Variants in TSNARE1 observed in about 807,000 individuals in gnomAD.
TSNARE1 encodes the protein t-SNARE domain containing 1.
TSNARE1 carries 49 observed loss-of-function variants against 62.0 expected under a neutral mutation model. The observed-to-expected ratio is 0.79, with a 90% CI of 0.63 to 1.00. The LOEUF (loss-of-function observed/expected upper bound fraction) is 1.00. Ranked by LOEUF, TSNARE1 falls within the 50% of genes least tolerant of loss-of-function variation. TSNARE1 has a pLI of 0.00. For synonymous variants in TSNARE1, 328 were observed against 294.4 expected (o/e 1.11, Z -1.17); for missense variants, 755 against 700.1 (o/e 1.08, Z -0.88).
chr8:142,346,719 G>A (rs1310683599), intron 2 of TSNARE1, among the ~76,000 whole-genome samples: 2 of 152,322 alleles, frequency 1.3e-5, no homozygotes, highest in South Asian at 2.1e-4. Context: ...AGCCACATCC[G>A]CGGCCTCCAG....
intron 10 of TSNARE1, among the ~76,000 whole-genome samples, chr8:142,289,817 A>G (rs914023156): frequency 2.0e-5 from 3 of 152,210 alleles, no homozygotes; most frequent in African/African-American, 4.8e-5. Flanking sequence ...GAACAAACAG[A>G]GGACTAAAGA....
intron 1 of TSNARE1, among the ~76,000 whole-genome samples, chr8:142,366,426 C>T (rs1025096546): frequency 2.6e-5 from 4 of 152,104 alleles, no homozygotes; most frequent in African/African-American, 7.2e-5. Context: ...AAATAAAACA[C>T]TAATAAATAA....
At chr8:142,376,545 G>A (rs1037584607) in intron 1 of TSNARE1, among the ~76,000 whole-genome samples, 1 of 152,110 alleles carries the variant, frequency 6.6e-6, no homozygotes, top group Non-Finnish European at 1.5e-5. Flanking sequence ...CCAGAAGAGG[G>A]CCCCCCAGAA....
Position 142,296,584 on chromosome 8 carries a change from G to C in TSNARE1, c.1290+3902C>G, listed in dbSNP as rs376674511. 5.9e-4 allele frequency among the ~76,000 whole-genome samples: 90 copies of C among 152,134 alleles called. No homozygotes were observed. The South Asian group carries it at 0.018, about 31-fold the overall frequency. On this transcript the variant is annotated intron_variant, in intron 10 of 13. Transcript: ENST00000524325. ...TACTCCAGGCTCTGGGGATGGGGCT[G>C]ACCCCAGGCAAGCAAGGGCCGCTCA...
chr8:142,327,868 C>T (rs2131936799), intron 6 of TSNARE1, among the ~76,000 whole-genome samples: 1 of 152,308 alleles, frequency 6.6e-6, no homozygotes, highest in East Asian at 1.9e-4. Flanking sequence ...GCCCAGCTCA[C>T]CCAGACCCCA....
rs56675860 is a variant in TSNARE1 at position 142,258,477 on chromosome 8, C to CTT, written c.1446+16302_1446+16303dup. Among the ~76,000 whole-genome samples the CTT allele has an allele frequency of 1.3e-3, 138 of 107,216 alleles. 1 individual carries two copies. Among genetic ancestry groups the CTT allele is most frequent in the Non-Finnish European group, 1.6e-3 (92 of 55,894 alleles). 70.3% of individuals were successfully genotyped at this position (107,216 alleles called of 152,430 possible). On this transcript the variant is annotated intron_variant, in intron 12 of 13. Transcript: ENST00000524325. ...GACCCAGTCAGCTGCAGAACTTGTG[C>CTT]TTTTTTTTTTTTTTTTTTTTTTGAG...
At chr8:142,224,296 G>A (rs1469088096) in intron 13 of TSNARE1, among the ~76,000 whole-genome samples, 1 of 152,174 alleles carries the variant, frequency 6.6e-6, no homozygotes, top group Non-Finnish European at 1.5e-5. Context: ...TTGCCCTAAT[G>A]CCTGTCATGA....
intron 10 of TSNARE1, among the ~76,000 whole-genome samples, chr8:142,290,318 G>A (rs550368080): frequency 7.2e-4 from 110 of 152,366 alleles, no homozygotes; most frequent in Non-Finnish European, 1.1e-3. Context: ...ACCCTGGCAC[G>A]GCAGCCAGAG....
chr8:142,387,281 T>C (rs1837176141), intron 1 of TSNARE1, among the ~76,000 whole-genome samples: 1 of 152,100 alleles, frequency 6.6e-6, no homozygotes, highest in African/African-American at 2.4e-5. Context: ...ATATGTCTCA[T>C]CAAAACTTAG....
intron 11 of TSNARE1, among the ~76,000 whole-genome samples, chr8:142,282,942 G>A (rs1420971940): frequency 1.4e-5 from 2 of 144,978 alleles, no homozygotes; most frequent in Non-Finnish European, 3.0e-5. Flanking sequence ...GCCACTGTCT[G>A]TCAATGAGCA....
chr8:142,270,298 G>A, intron 12 of TSNARE1: 2 of 985,422 alleles, frequency 2.0e-6, no homozygotes, highest in Non-Finnish European at 2.4e-6. Flanking sequence ...GCCCCCGCAG[G>A]GAGGCTGAAA....
At chr8:142,234,454 G>A (rs767470534) in intron 12 of TSNARE1, among the ~76,000 whole-genome samples, 17 of 149,680 alleles carry the variant, frequency 1.1e-4, no homozygotes, top group South Asian at 4.3e-4. Flanking sequence ...CCAGGATGGC[G>A]CCATGACCCC....
chr8:142,376,488 G>A (rs1179398938), intron 1 of TSNARE1, among the ~76,000 whole-genome samples: 7 of 152,156 alleles, frequency 4.6e-5, no homozygotes, highest in East Asian at 1.9e-4. Flanking sequence ...AGCTCCGGCC[G>A]TCTTTCCACC....
chr8:142,356,966 C>T (rs1834790380), intron 1 of TSNARE1, among the ~76,000 whole-genome samples: 1 of 152,046 alleles, frequency 6.6e-6, no homozygotes, highest in South Asian at 2.1e-4. Flanking sequence ...TTTCAGAGAA[C>T]ACAGAGGAGC....
intron 9 of TSNARE1, among the ~76,000 whole-genome samples, chr8:142,305,446 T>C (rs1212046979): frequency 6.6e-6 from 1 of 151,478 alleles, no homozygotes; most frequent in African/African-American, 2.4e-5. Flanking sequence ...GCAGTCACAC[T>C]GGGATGCGAG....
rs13250868 is a variant in TSNARE1, at chr8:142,353,030, T to G, written c.88+1607A>C. The stretch of plus-strand genomic sequence containing the variant: ...TGCCCTGCCTAAGGCCCTGCAGGCT[T>G]CCCTGGCCCATGGAAGGAACCTCCA... On this transcript the variant is annotated intron_variant, in intron 2 of 13. Transcript: ENST00000524325. 9.4e-3 allele frequency among the ~76,000 whole-genome samples: 1,428 copies of G among 152,244 alleles called. 11 individuals are homozygous for G. Among genetic ancestry groups the G allele is most frequent in the Non-Finnish European group, 0.014 (985 of 68,012 alleles).
chr8:142,240,398 G>T (rs1009207029), intron 12 of TSNARE1, among the ~76,000 whole-genome samples: 4 of 152,280 alleles, frequency 2.6e-5, no homozygotes, highest in Admixed American at 2.0e-4. Context: ...CACCAGTGGG[G>T]TAGGAGATTT....
intron 1 of TSNARE1, among the ~76,000 whole-genome samples, chr8:142,362,228 C>T (rs1381578301): frequency 2.6e-5 from 4 of 152,212 alleles, no homozygotes; most frequent in Admixed American, 2.0e-4. Context: ...TACTCCCAGG[C>T]GGGAAGAGAC....
intron 11 of TSNARE1, among the ~76,000 whole-genome samples, chr8:142,280,792 G>A (rs1319122708): frequency 6.6e-6 from 1 of 152,180 alleles, no homozygotes; most frequent in Non-Finnish European, 1.5e-5. Context: ...TGACAGTGGG[G>A]AGAAGGGGGG....
Sources: allele counts gnomAD v4.1 joint callset (sites outside exome capture counted in the v4.1 genomes callset), GRCh38; gene constraint gnomAD v4.1.1; transcripts MANE v1.5; gene names NCBI Gene and HGNC (gene_info 2026-07-23, HGNC 2026-07-21).